FARS2: variants seen among roughly 807,000 people sequenced by gnomAD.
FARS2 encodes phenylalanyl-tRNA synthetase 2, mitochondrial, also known as phenylalanine--tRNA ligase, mitochondrial.
In FARS2, 40 loss-of-function variants were observed where a neutral mutation model predicts 46.4. The ratio of observed to expected loss-of-function variants is 0.86; its 90% CI spans 0.67 to 1.12. The LOEUF is 1.12. Ranked by LOEUF, FARS2 falls within the 50% of genes most tolerant of loss-of-function variation. FARS2 has a pLI of 0.00. For synonymous variants in FARS2, 234 were observed against 214.9 expected, an observed-to-expected ratio of 1.09 and a Z score of -0.78; for missense variants, 513 against 567.9, an observed-to-expected ratio of 0.90 and a Z score of 0.98.
At chr6:5,457,365 T>A (rs1160099418) in intron 4 of FARS2, among the ~76,000 whole-genome samples, 4 of 152,206 alleles carry the variant, frequency 2.6e-5, no homozygotes, top group South Asian at 2.1e-4. Flanking sequence ...TCTTCCTCCC[T>A]GAATCTCTCA....
At chr6:5,497,983 C>T (rs1307131615) in intron 4 of FARS2, among the ~76,000 whole-genome samples, 1 of 152,184 alleles carries the variant, frequency 6.6e-6, no homozygotes, top group Non-Finnish European at 1.5e-5. Flanking sequence ...TTATACAACT[C>T]TAGAGCCAGT....
chr6:5,291,590 A>G (rs758384390), intron 1 of FARS2, among the ~76,000 whole-genome samples: 3 of 152,184 alleles, frequency 2.0e-5, no homozygotes, highest in Non-Finnish European at 4.4e-5. Context: ...AGATTTATCA[A>G]TCCTTTTTAC....
At chr6:5,568,426 T>TG (rs1772445357) in intron 5 of FARS2, among the ~76,000 whole-genome samples, 1 of 152,174 alleles carries the variant, frequency 6.6e-6, no homozygotes, top group South Asian at 2.1e-4. Flanking sequence ...TGCTTGACCC[T>TG]GGGGACACAG....
intron 1 of FARS2, among the ~76,000 whole-genome samples, chr6:5,279,366 C>A (rs1766558288): frequency 1.0e-5 from 1 of 98,820 alleles, no homozygotes. Context: ...CAGAGCAAGA[C>A]TCCCTCTCAA....
chr6:5,517,655 C>G (rs1351495486), intron 4 of FARS2, among the ~76,000 whole-genome samples: 1 of 151,354 alleles, frequency 6.6e-6, no homozygotes, highest in Admixed American at 6.6e-5. Flanking sequence ...CACACATACA[C>G]ACATACTGGG....
At chr6:5,733,173 A>T (rs1760745308) in intron 6 of FARS2, among the ~76,000 whole-genome samples, 1 of 152,214 alleles carries the variant, frequency 6.6e-6, no homozygotes, top group Non-Finnish European at 1.5e-5. Flanking sequence ...TTTTGAAGAG[A>T]AGCAATTGCT....
chr6:5,472,058 A>G (rs1337330954), intron 4 of FARS2, among the ~76,000 whole-genome samples: 2 of 152,202 alleles, frequency 1.3e-5, no homozygotes, highest in Non-Finnish European at 2.9e-5. Flanking sequence ...GAATAGATTG[A>G]AAACAAGGCT....
chr6:5,770,401 TTGCTGCTGCTGC>T (rs3058189), intron 6 of FARS2, among the ~76,000 whole-genome samples: 3 of 151,402 alleles, frequency 2.0e-5, no homozygotes, highest in Non-Finnish European at 2.9e-5. Flanking sequence ...TCTGTTGTTG[TTGCTGCTGCTGC>T]TGCTGCTGCT....
chr6:5,739,563 G>A (rs970425692), intron 6 of FARS2, among the ~76,000 whole-genome samples: 3 of 152,238 alleles, frequency 2.0e-5, no homozygotes, highest in African/African-American at 7.2e-5. Context: ...CCAGTGGCCT[G>A]TGTGTAGGAG....
intron 4 of FARS2, among the ~76,000 whole-genome samples, chr6:5,465,416 G>A (rs17140508): frequency 0.026 from 4,025 of 152,154 alleles, 166 homozygotes; most frequent in African/African-American, 0.092. Context: ...AACTTAGTCC[G>A]GGCACTATAC....
At chr6:5,653,303 A>G (rs1224747538) in intron 6 of FARS2, among the ~76,000 whole-genome samples, 1 of 152,220 alleles carries the variant, frequency 6.6e-6, no homozygotes, top group Admixed American at 6.5e-5. Flanking sequence ...GATTTTAACA[A>G]AAAAGTACAC....
intron 2 of FARS2, among the ~76,000 whole-genome samples, chr6:5,403,829 A>G (rs1296142600): frequency 6.6e-6 from 1 of 152,206 alleles, no homozygotes; most frequent in East Asian, 1.9e-4. Flanking sequence ...CTGACCAGAA[A>G]GTTACTTTAT....
At chr6:5,316,656 G>A (rs1470049252) in intron 1 of FARS2, among the ~76,000 whole-genome samples, 9 of 152,132 alleles carry the variant, frequency 5.9e-5, no homozygotes, top group Admixed American at 2.6e-4. Flanking sequence ...GCATGCACTG[G>A]CTTTGAGAGT....
At chr6:5,354,697 T>C (rs1334950751) in intron 1 of FARS2, among the ~76,000 whole-genome samples, 2 of 152,042 alleles carry the variant, frequency 1.3e-5, no homozygotes, top group African/African-American at 2.4e-5. Flanking sequence ...GTATTTTTAG[T>C]AGAGATGGGG....
At chr6:5,747,515 C>T (rs545504507) in intron 6 of FARS2, among the ~76,000 whole-genome samples, 49 of 152,330 alleles carry the variant, frequency 3.2e-4, no homozygotes, top group African/African-American at 1.1e-3. Flanking sequence ...AAGTAAGTGA[C>T]ACCCTGTCCT....
chr6:5,672,855 G>A (rs1000400426), intron 6 of FARS2, among the ~76,000 whole-genome samples: 42 of 152,152 alleles, frequency 2.8e-4, no homozygotes, highest in African/African-American at 9.9e-4. Context: ...ACTGTATTTT[G>A]CCTTTGGATT....
chr6:5,654,839 TTCC>T (rs968476821), intron 6 of FARS2, among the ~76,000 whole-genome samples: 4 of 152,098 alleles, frequency 2.6e-5, no homozygotes, highest in African/African-American at 9.7e-5. Flanking sequence ...ACCTCTCCTC[TTCC>T]TCCTCCTCCT....
At chr6:5,444,011 T>G (rs1204410798) in intron 4 of FARS2, among the ~76,000 whole-genome samples, 1 of 152,062 alleles carries the variant, frequency 6.6e-6, no homozygotes, top group Admixed American at 6.6e-5. Context: ...GTGGTGGTTC[T>G]GAAAACCAGA....
intron 3 of FARS2, among the ~76,000 whole-genome samples, chr6:5,421,810 C>G (rs539857889): frequency 6.6e-6 from 1 of 152,226 alleles, no homozygotes; most frequent in Non-Finnish European, 1.5e-5. Flanking sequence ...ATATCACTAT[C>G]AGCTTTTGGT....
Sources: gnomAD v4.1 joint callset for allele counts (sites outside exome capture counted in the v4.1 genomes callset) on GRCh38, gnomAD v4.1.1 for gene constraint, MANE v1.5 for transcripts, NCBI Gene and HGNC (gene_info 2026-07-23, HGNC 2026-07-21) for gene names.